PCDHGA12: variants seen among roughly 807,000 people sequenced by gnomAD.
The protein encoded by PCDHGA12 is protocadherin gamma subfamily A, 12, also known as protocadherin gamma-A12.
In PCDHGA12, 43 loss-of-function variants were observed where a neutral mutation model predicts 61.1. The ratio of observed to expected loss-of-function variants is 0.70; its 90% CI spans 0.55 to 0.91. The LOEUF (loss-of-function observed/expected upper bound fraction) is 0.91, where lower values mean the gene tolerates loss of function less well. Ranked by LOEUF, PCDHGA12 falls within the 40% of genes least tolerant of loss-of-function variation. The probability of loss-of-function intolerance (pLI) is 0.00; values close to 1 mark genes in which losing one functional copy is unlikely to be tolerated. For missense variants in PCDHGA12, 1,236 were observed against 1,227.7 expected, an observed-to-expected ratio of 1.01 and a Z score of -0.10; for synonymous variants, 520 against 542.9, an observed-to-expected ratio of 0.96 and a Z score of 0.59.
At chr5:141,484,451 T>G (rs2099596635) in intron 1 of PCDHGA12, among the ~76,000 whole-genome samples, 2 of 152,264 alleles carry the variant, frequency 1.3e-5, no homozygotes, top group South Asian at 4.1e-4. Flanking sequence ...TTTAATTGGC[T>G]ACGTTAATGT....
Position 141,431,141 on chromosome 5 carries a change from G to T in PCDHGA12, c.382G>T (p.Asp128Tyr). 1.2e-6 allele frequency: 2 copies of T among 1,614,212 alleles called. No homozygotes were observed. Among genetic ancestry groups the T allele is most frequent in the South Asian group, 1.1e-5 (1 of 91,084 alleles). The change falls in exon 1 of 4, where the codon GAC becomes TAC. Residue 128 changes from aspartate to tyrosine, a missense_variant. Asp to Tyr is a radical substitution (Grantham distance 160). Coordinates refer to ENST00000252085, the MANE Select transcript of PCDHGA12 (RefSeq NM_003735.3). This position sits in a 1 kb window ranked among gnomAD's most constrained non-coding sequence, Gnocchi z 4.8. ...GVEVEVRDIN[D>Y]NAPYFRESEL... ...AGAAGTAGAAGTAAGGGACATTAACGACAATGCGCCTTACTTTCGTGAAAG... is the reference window on the plus strand; with the variant it reads ...AGAAGTAGAAGTAAGGGACATTAACTACAATGCGCCTTACTTTCGTGAAAG...
Position 141,491,000 on chromosome 5 carries a change from C to T in PCDHGA12, c.2425-3807C>T. 6.2e-7 allele frequency: 1 copy of T among 1,614,142 alleles called. No homozygotes were observed. The highest frequency in any genetic ancestry group is 1.1e-5 in the South Asian group (1 of 91,086). On this transcript the variant is annotated intron_variant, in intron 1 of 3. Transcript: ENST00000252085. The surrounding 1 kb of genome is among the most constrained non-coding windows in gnomAD (Gnocchi z 5.4). ...CTCCCTCGCTCTGCTCCTCCTGGCTCCTTGGTCACCAAGGTGACAGCCGTG... is the reference window on the plus strand; with the variant it reads ...CTCCCTCGCTCTGCTCCTCCTGGCTTCTTGGTCACCAAGGTGACAGCCGTG...
intron 1 of PCDHGA12, among the ~76,000 whole-genome samples, chr5:141,449,714 A>G (rs1188830159): frequency 2.6e-5 from 4 of 151,334 alleles, no homozygotes; most frequent in African/African-American, 7.3e-5. Flanking sequence ...CATTATTTTT[A>G]TATGATATGA....
rs1281778338 is a variant in PCDHGA12, at chr5:141,512,281, G to A, written c.*1108G>A. ...TGGGTACTCCAGAGGTGCCACTGGTGGAAGGGTCAGCGGAGCCCCAGCAGG... is the reference window on the plus strand; with the variant it reads ...TGGGTACTCCAGAGGTGCCACTGGTAGAAGGGTCAGCGGAGCCCCAGCAGG... On this transcript the variant is annotated 3_prime_UTR_variant, in exon 4 of 4. Transcript: ENST00000252085. 6.5e-6 allele frequency: 1 copy of A among 152,810 alleles called. No homozygotes were observed. Among genetic ancestry groups the A allele is most frequent in the Non-Finnish European group, 1.5e-5 (1 of 68,178 alleles). The allele number at this position is 152,810 out of a possible 1,614,324, so 9.5% of individuals were successfully genotyped here.
intron 1 of PCDHGA12, among the ~76,000 whole-genome samples, chr5:141,458,921 C>CG (rs2098956905): frequency 6.6e-6 from 1 of 151,960 alleles, no homozygotes; most frequent in African/African-American, 2.4e-5. Flanking sequence ...TTTGTGGAGA[C>CG]GGGGTCTCAC....
intron 1 of PCDHGA12, chr5:141,478,581 T>C: frequency 6.3e-7 from 1 of 1,580,158 alleles, no homozygotes; most frequent in Non-Finnish European, 8.6e-7. Flanking sequence ...ACCCTGTTAG[T>C]GCTTTTTTAT....
At chr5:141,492,576 G>A (rs2099742137) in intron 1 of PCDHGA12, among the ~76,000 whole-genome samples, 1 of 152,234 alleles carries the variant, frequency 6.6e-6, no homozygotes, top group Admixed American at 6.5e-5. Context: ...AGCGAGGCGC[G>A]GGGCCAGGAG....
At chr5:141,449,000 T>G (rs1424736421) in intron 1 of PCDHGA12, among the ~76,000 whole-genome samples, 1 of 151,774 alleles carries the variant, frequency 6.6e-6, no homozygotes, top group African/African-American at 2.4e-5. Context: ...TAGAAAGCTG[T>G]TTTTTTTAAC....
rs2097370658 is a variant in PCDHGA12 at position 141,431,413 on chromosome 5, C to T, written c.654C>T (p.Gly218=). The T allele has an allele frequency of 1.2e-6, 2 of 1,613,564 alleles. No homozygotes were observed. Among genetic ancestry groups the T allele is most frequent in the African/African-American group, 2.7e-5 (2 of 74,952 alleles). ...HHLVLTASDG[G]DPVRTGTARI... is the part of the protein sequence containing the mutation. ...TGGTCCTTACGGCCTCCGACGGGGG[C>T]GACCCGGTGCGCACAGGCACCGCGC... Residue 218 remains glycine (G), a synonymous_variant, in exon 1 of 4, where the codon GGC becomes GGT. Transcript: ENST00000252085. This position sits in a 1 kb window ranked among gnomAD's most constrained non-coding sequence, Gnocchi z 4.8.
intron 1 of PCDHGA12, among the ~76,000 whole-genome samples, chr5:141,482,274 G>A (rs1219523359): frequency 6.6e-6 from 1 of 152,094 alleles, no homozygotes; most frequent in Non-Finnish European, 1.5e-5. Flanking sequence ...TTTAGCTTAG[G>A]TAAGTCTTTT....
At position 141,505,514 on chromosome 5, in the gene PCDHGA12, G is replaced by A. The variant is rs758026551; in HGVS notation, c.2572+33G>A. The A allele has an allele frequency of 1.2e-5, 20 of 1,613,682 alleles. No homozygotes were observed. The South Asian group carries it at 1.8e-4, about 14-fold the overall frequency. ...GTGTCAGTGTGTGTATGGAAGAGTGGGAGACCTGGGGTTCTGGGGTGCATC... is the reference window on the plus strand; with the variant it reads ...GTGTCAGTGTGTGTATGGAAGAGTGAGAGACCTGGGGTTCTGGGGTGCATC... On this transcript the variant is annotated intron_variant, in intron 3 of 3. Transcript: ENST00000252085.
At chr5:141,503,478 C>T (rs1249372985) in intron 2 of PCDHGA12, among the ~76,000 whole-genome samples, 3 of 151,680 alleles carry the variant, frequency 2.0e-5, no homozygotes, top group East Asian at 1.9e-4. Context: ...GTGCACTTGT[C>T]GTCCCAGCTG....
At chr5:141,452,887 C>T (rs1000136303) in intron 1 of PCDHGA12, among the ~76,000 whole-genome samples, 1 of 152,174 alleles carries the variant, frequency 6.6e-6, no homozygotes, top group Non-Finnish European at 1.5e-5. Flanking sequence ...ATAATTTATT[C>T]CACTTTTATT....
At chr5:141,433,767 G>A (rs1237334342) in intron 1 of PCDHGA12, among the ~76,000 whole-genome samples, 1 of 151,532 alleles carries the variant, frequency 6.6e-6, no homozygotes, top group East Asian at 1.9e-4. Flanking sequence ...AACCTGGGAG[G>A]TGGAGGTTGC....
At position 141,430,693 on chromosome 5, in the gene PCDHGA12, C is replaced by A; in HGVS notation, c.-67C>A. 1.4e-6 allele frequency: 2 copies of A among 1,425,428 alleles called. No individual in the cohort carries two copies. The highest frequency in any genetic ancestry group is 2.6e-5 in the Admixed American group (1 of 38,588). The allele number at this position is 1,425,428 out of a possible 1,614,324, so 88.3% of individuals were successfully genotyped here. ...CTTCCCAACTGTCCCATTCTATGGGCGAAGGAACTGCTCCTGACTTCAGTG... is the reference window on the plus strand; with the variant it reads ...CTTCCCAACTGTCCCATTCTATGGGAGAAGGAACTGCTCCTGACTTCAGTG... On this transcript the variant is annotated 5_prime_UTR_variant, in exon 1 of 4. Coordinates refer to ENST00000252085, the MANE Select transcript of PCDHGA12 (RefSeq NM_003735.3).
intron 1 of PCDHGA12, among the ~76,000 whole-genome samples, chr5:141,439,050 A>G (rs1353548752): frequency 1.3e-5 from 2 of 151,164 alleles, no homozygotes; most frequent in Non-Finnish European, 2.9e-5. Flanking sequence ...TAAGATTTCC[A>G]TATTGTGTGG....
intron 1 of PCDHGA12, chr5:141,478,359 G>A: frequency 6.2e-7 from 1 of 1,613,734 alleles, no homozygotes; most frequent in Non-Finnish European, 8.5e-7. Flanking sequence ...GACGCCGTGC[G>A]GGGAGGCCTG....
Position 141,510,868 on chromosome 5 carries a change from T to C in PCDHGA12, c.2573-79T>C, listed in dbSNP as rs2099883142. 40 of 1,608,466 alleles carry C rather than the reference T, an allele frequency of 2.5e-5. No homozygotes were observed. The Middle Eastern group carries it at 4.9e-4, about 20-fold the overall frequency. On this transcript the variant is annotated intron_variant, in intron 3 of 3. Transcript: ENST00000252085. The stretch of plus-strand genomic sequence containing the variant: ...GCCCAGGGTGCTGTATAGGCATTCA[T>C]TAACTGCTGGGGATATAAGACAGTG...
In PCDHGA12 at chr5:141,450,548, G is replaced by A. The variant is rs186010209; in HGVS notation, c.2424+17365G>A. 3.3e-4 allele frequency among the ~76,000 whole-genome samples: 50 copies of A among 151,716 alleles called. 1 individual carries two copies. Among genetic ancestry groups the A allele is most frequent in the African/African-American group, 9.9e-4 (41 of 41,366 alleles). On this transcript the variant is annotated intron_variant, in intron 1 of 3. Transcript: ENST00000252085. ...GTCACCCAGGCTGGAATGCAGTGGC[G>A]CAGTCTCGGCTCACTGCAACTTCTG... is the stretch of plus-strand genomic sequence containing the variant.
Sources: gnomAD v4.1 joint callset for allele counts (sites outside exome capture counted in the v4.1 genomes callset) on GRCh38, gnomAD v4.1.1 for gene constraint, Gnocchi (gnomAD v3.1) non-coding constraint, MANE v1.5 for transcripts, NCBI Gene and HGNC (gene_info 2026-07-23, HGNC 2026-07-21) for gene names.